The following A4GALT variants were observed in gnomAD, a reference collection of about 807,000 sequenced individuals.
The protein encoded by A4GALT is lactosylceramide 4-alpha-galactosyltransferase.
For missense variants in A4GALT, 512 were observed against 486.0 expected, an observed-to-expected ratio of 1.05 and a Z score of -0.50; for synonymous variants, 257 against 220.7, an observed-to-expected ratio of 1.16 and a Z score of -1.46.
At chr22:42,706,102 T>C (rs1485682980) in intron 1 of A4GALT, among the ~76,000 whole-genome samples, 2 of 103,646 alleles carry the variant, frequency 1.9e-5, no homozygotes, top group Non-Finnish European at 4.2e-5. Context: ...ACGCCTGTAA[T>C]CTCAGCACTT....
chr22:42,700,753 G>T (rs528457457), intron 1 of A4GALT, among the ~76,000 whole-genome samples: 31 of 152,342 alleles, frequency 2.0e-4, no homozygotes, highest in Non-Finnish European at 3.8e-4. Flanking sequence ...ACTTTGGAGG[G>T]ATGGAGGGAG....
chr22:42,692,822 T>C lies in A4GALT; in HGVS notation c.*68A>G. Reference sequence around the variant, plus strand: ...CCTCCCTCTCCCGGGCCCTCAATCTTGCCTCCCCGGGAAGGGCGGCCCAGT... The same window carrying C: ...CCTCCCTCTCCCGGGCCCTCAATCTCGCCTCCCCGGGAAGGGCGGCCCAGT... On this transcript the variant is annotated 3_prime_UTR_variant, in exon 3 of 3. Transcript: ENST00000642412. This position sits in a 1 kb window ranked among gnomAD's most constrained non-coding sequence, Gnocchi z 4.6. 6.3e-7 allele frequency: 1 copy of C among 1,580,878 alleles called. No individual in the cohort carries two copies. The highest frequency in any genetic ancestry group is 8.6e-7 in the Non-Finnish European group (1 of 1,165,412).
In A4GALT at chr22:42,693,023, G is replaced by T; in HGVS notation, c.929C>A (p.Ala310Asp). ...NPEELPRLLS[A>D]TYAVHVWNKK... The stretch of plus-strand genomic sequence containing the variant: ...GTTCCACACGTGGACAGCATAGGTG[G>T]CACTGAGCAGCCGCGGCAGCTCCTC... The change falls in exon 3 of 3, where the codon GCC becomes GAC. Residue 310 changes from alanine to aspartate, a missense_variant. By Grantham distance (126) the Ala-to-Asp change is moderately radical. Coordinates refer to ENST00000642412, the MANE Select transcript of A4GALT (RefSeq NM_017436.7). The T allele has an allele frequency of 6.2e-7, 1 of 1,613,684 alleles. No homozygotes were observed. The highest frequency in any genetic ancestry group is 8.5e-7 in the Non-Finnish European group (1 of 1,179,974).
chr22:42,699,468 G>A (rs575409641), intron 1 of A4GALT, among the ~76,000 whole-genome samples: 13 of 152,304 alleles, frequency 8.5e-5, no homozygotes, highest in Admixed American at 5.2e-4. Flanking sequence ...GAGTGGCCAC[G>A]ACCCTCCTGT....
At position 42,692,614 on chromosome 22, in the gene A4GALT, T is replaced by G; in HGVS notation, c.*276A>C. The G allele has an allele frequency of 1.7e-6, 1 of 593,372 alleles. No individual in the cohort carries two copies. The highest frequency in any genetic ancestry group is 3.2e-6 in the Non-Finnish European group (1 of 314,820). The allele number at this position is 593,372 out of a possible 1,614,324, so 36.8% of individuals were successfully genotyped here. A position where few individuals can be genotyped will look rare whatever the true frequency, so the allele number is the denominator to read the frequency against. On this transcript the variant is annotated 3_prime_UTR_variant, in exon 3 of 3. Coordinates refer to ENST00000642412, the MANE Select transcript of A4GALT (RefSeq NM_017436.7). This position sits in a 1 kb window ranked among gnomAD's most constrained non-coding sequence, Gnocchi z 4.6. ...CGCACCACCTGGGGGTGCCCTGAGG[T>G]TCATCCTTCCTGCCTGTTGTCTAGA... is the stretch of plus-strand genomic sequence containing the variant.
At chr22:42,694,129 C>T (rs1298787306) in intron 2 of A4GALT, 132 bp from the exon 3 acceptor site, 4 of 638,776 alleles carry the variant, frequency 6.3e-6, no homozygotes, top group African/African-American at 1.8e-5. Context: ...CCACAGGGGC[C>T]AAGGCTTGAA....
At chr22:42,710,366 G>A (rs1009772132) in intron 1 of A4GALT, among the ~76,000 whole-genome samples, 87 of 152,194 alleles carry the variant, frequency 5.7e-4, no homozygotes, top group African/African-American at 1.6e-3. Flanking sequence ...AACAACAGTC[G>A]CGATACTCAG....
chr22:42,716,915 C>CTTCCTGTT (rs2147049510), intron 1 of A4GALT, among the ~76,000 whole-genome samples: 1 of 152,344 alleles, frequency 6.6e-6, no homozygotes, highest in African/African-American at 2.4e-5. Context: ...GACAGACACT[C>CTTCCTGTT]TTCCTGTTTC....
In A4GALT at chr22:42,693,873, CGAT is replaced by C; in HGVS notation, c.76_78del (p.Ile26del). On this transcript the variant is annotated inframe_deletion, in exon 3 of 3. Coordinates refer to ENST00000642412, the MANE Select transcript of A4GALT (RefSeq NM_017436.7). The stretch of plus-strand genomic sequence containing the variant: ...GAGACGAAAAACGTGAACTTGAAGC[CGAT>C]GATGAACAGGGTGCAGACCCGCTGC... The C allele has an allele frequency of 6.2e-7, 1 of 1,610,670 alleles. No individual in the cohort carries two copies. Among genetic ancestry groups the C allele is most frequent in the Non-Finnish European group, 8.5e-7 (1 of 1,179,016 alleles).
At chr22:42,710,029 CAG>C (rs1921541290) in intron 1 of A4GALT, among the ~76,000 whole-genome samples, 1 of 152,130 alleles carries the variant, frequency 6.6e-6, no homozygotes, top group South Asian at 2.1e-4. Context: ...TAGATTAACA[CAG>C]AAGCCAGGAA....
rs1171659842 is a variant in A4GALT at position 42,693,138 on chromosome 22, C to T, written c.814G>A (p.Ala272Thr). Residue 272 changes from alanine (A) to threonine (T), a missense_variant, in exon 3 of 3, where the codon GCC (alanine) becomes ACC (threonine). Transcript: ENST00000642412. ...CSIRSLAESR[A>T]CRGVTTLPPE... ...GGCAGGGTGGTGACGCCGCGGCAGGCGCGGCTCTCGGCCAGGCTGCGGATG... is the reference window on the plus strand; with the variant it reads ...GGCAGGGTGGTGACGCCGCGGCAGGTGCGGCTCTCGGCCAGGCTGCGGATG... 11 of 1,603,004 alleles carry T rather than the reference C, an allele frequency of 6.9e-6. No homozygotes were observed. Among genetic ancestry groups the T allele is most frequent in the East Asian group, 4.5e-5 (2 of 44,300 alleles).
chr22:42,712,621 T>C (rs1183238876), intron 1 of A4GALT, among the ~76,000 whole-genome samples: 1 of 152,192 alleles, frequency 6.6e-6, no homozygotes, highest in Non-Finnish European at 1.5e-5. Context: ...AAATAACCAG[T>C]AGCAAGGCCG....
chr22:42,717,140 C>T (rs1412674318), intron 1 of A4GALT, among the ~76,000 whole-genome samples: 2 of 152,122 alleles, frequency 1.3e-5, no homozygotes, highest in Non-Finnish European at 2.9e-5. Flanking sequence ...GCTGGAAGCT[C>T]CTGAACCCCC....
chr22:42,707,723 C>A (rs1230042440), intron 1 of A4GALT, among the ~76,000 whole-genome samples: 22 of 152,044 alleles, frequency 1.4e-4, no homozygotes, highest in Admixed American at 1.3e-3. Flanking sequence ...CAGGATACAG[C>A]TACAGCAATG....
chr22:42,697,253 T>A (rs1930998930), intron 1 of A4GALT, among the ~76,000 whole-genome samples: 1 of 151,872 alleles, frequency 6.6e-6, no homozygotes, highest in Admixed American at 6.6e-5. Context: ...CCAATGAGTG[T>A]GTAGATCGCT....
chr22:42,714,701 G>A (rs1193066057), intron 1 of A4GALT, among the ~76,000 whole-genome samples: 9 of 152,186 alleles, frequency 5.9e-5, no homozygotes, highest in South Asian at 4.2e-4. Flanking sequence ...CCCAGGAGGC[G>A]GAGGTTGCAG....
intron 1 of A4GALT, among the ~76,000 whole-genome samples, chr22:42,717,601 C>G (rs1922306869): frequency 6.6e-6 from 1 of 152,202 alleles, no homozygotes; most frequent in South Asian, 2.1e-4. Flanking sequence ...GTCCCTCCTT[C>G]TCCTGGGCCT....
intron 1 of A4GALT, among the ~76,000 whole-genome samples, chr22:42,697,877 C>A (rs904310291): frequency 1.2e-4 from 18 of 152,208 alleles, no homozygotes; most frequent in Non-Finnish European, 2.1e-4. Flanking sequence ...TGGCCACTCC[C>A]CTGCTCTAAG....
chr22:42,709,067 A>ATATATTTTTTTTTTTT (rs1180529043), intron 1 of A4GALT, among the ~76,000 whole-genome samples: 22 of 128,800 alleles, frequency 1.7e-4, no homozygotes, highest in Admixed American at 1.7e-3. Context: ...ATATATATAT[A>ATATATTTTTTTTTTTT]TTTTTTTTAA....
Sources: allele counts gnomAD v4.1 joint callset (sites outside exome capture counted in the v4.1 genomes callset), GRCh38; gene constraint gnomAD v4.1.1; non-coding constraint Gnocchi (gnomAD v3.1); transcripts MANE v1.5; gene names NCBI Gene and HGNC (gene_info 2026-07-23, HGNC 2026-07-21).